Variants in CTNND2 observed in about 807,000 individuals in gnomAD.
CTNND2 encodes the protein catenin delta 2.
A neutral mutation model predicts 144.4 loss-of-function variants in CTNND2; 22 were observed. The ratio of observed to expected loss-of-function variants is 0.15; its 90% confidence interval spans 0.11 to 0.22. CTNND2 has a LOEUF of 0.22. CTNND2 is among the 10% of genes least tolerant of loss of function. The pLI is 1.00. For synonymous variants in CTNND2, 751 were observed against 695.6 expected (o/e 1.08, Z -1.25); for missense variants, 1,353 against 1,618.8 (o/e 0.84, Z 2.82).
At chr5:11,293,283 C>A (rs1397101865) in intron 9 of CTNND2, among the ~76,000 whole-genome samples, 1 of 152,144 alleles carries the variant, frequency 6.6e-6, no homozygotes, top group Non-Finnish European at 1.5e-5. Context: ...ATACAGGTGA[C>A]CCTCATACAA....
chr5:11,722,188 G>C (rs569878051), intron 2 of CTNND2, among the ~76,000 whole-genome samples: 77 of 152,092 alleles, frequency 5.1e-4, no homozygotes, highest in Admixed American at 3.1e-3. Flanking sequence ...CATTTTCACA[G>C]AGTTTTCTCC....
chr5:11,635,796 A>T (rs1019105126), intron 2 of CTNND2, among the ~76,000 whole-genome samples: 4 of 152,112 alleles, frequency 2.6e-5, no homozygotes, highest in Non-Finnish European at 4.4e-5. Flanking sequence ...CCTTGCAGAC[A>T]CATTGCCTGA....
chr5:11,393,293 G>A (rs1270783652), intron 6 of CTNND2, among the ~76,000 whole-genome samples: 1 of 152,156 alleles, frequency 6.6e-6, no homozygotes, highest in Admixed American at 6.5e-5. Flanking sequence ...CAGCAAGCAG[G>A]CCATTTCCCT....
At chr5:11,708,050 GAT>G (rs1491093598) in intron 2 of CTNND2, among the ~76,000 whole-genome samples, 37 of 136,796 alleles carry the variant, frequency 2.7e-4, no homozygotes, top group African/African-American at 1.0e-3. Flanking sequence ...TTTTAAAGAT[GAT>G]TTTTTTTTTT....
At chr5:11,479,559 T>C (rs1469137972) in intron 3 of CTNND2, among the ~76,000 whole-genome samples, 1 of 152,214 alleles carries the variant, frequency 6.6e-6, no homozygotes, top group Non-Finnish European at 1.5e-5. Flanking sequence ...TTTTTAGCTC[T>C]TTGATGAATT....
At chr5:11,446,675 C>A (rs527430797) in intron 3 of CTNND2, among the ~76,000 whole-genome samples, 1 of 152,086 alleles carries the variant, frequency 6.6e-6, no homozygotes, top group Non-Finnish European at 1.5e-5. Context: ...GTCTGTACCC[C>A]ACATCTGTGG....
intron 5 of CTNND2, among the ~76,000 whole-genome samples, chr5:11,401,991 A>G (rs1001244087): frequency 1.3e-5 from 2 of 152,164 alleles, no homozygotes; most frequent in African/African-American, 4.8e-5. Flanking sequence ...CTTCACAGGG[A>G]TATTTTGGTC....
chr5:11,365,401 C>A (rs187694880), intron 7 of CTNND2, among the ~76,000 whole-genome samples: 52 of 152,256 alleles, frequency 3.4e-4, no homozygotes, highest in Admixed American at 1.0e-3. Context: ...TTTGAACTTA[C>A]AACAGCCTAA....
intron 2 of CTNND2, among the ~76,000 whole-genome samples, chr5:11,646,536 G>T (rs1232308477): frequency 1.3e-5 from 2 of 152,108 alleles, no homozygotes; most frequent in East Asian, 3.9e-4. Flanking sequence ...CAATTCACAG[G>T]CTAACTTAAA....
chr5:11,371,183 C>T (rs756664201), intron 7 of CTNND2, among the ~76,000 whole-genome samples: 1 of 152,162 alleles, frequency 6.6e-6, no homozygotes, highest in South Asian at 2.1e-4. Flanking sequence ...AGGTAGTCAG[C>T]CTGTACTCTA....
At chr5:11,249,948 T>C (rs1326439061) in intron 9 of CTNND2, among the ~76,000 whole-genome samples, 2 of 152,204 alleles carry the variant, frequency 1.3e-5, no homozygotes, top group Admixed American at 6.5e-5. Context: ...ATATTCTTAA[T>C]ATGAGGATAT....
At position 11,641,767 on chromosome 5, in the gene CTNND2, C is replaced by T. The variant is rs904656145; in HGVS notation, c.175-76711G>A. Among the ~76,000 whole-genome samples, 63 of 144,120 alleles carry T rather than the reference C, an allele frequency of 4.4e-4. 2 individuals are homozygous for T. Among genetic ancestry groups the T allele is most frequent in the African/African-American group, 1.5e-3 (56 of 38,144 alleles). 94.5% of individuals were successfully genotyped at this position (144,120 alleles called of 152,430 possible). On this transcript the variant is annotated intron_variant, in intron 2 of 21. Coordinates refer to ENST00000304623, the MANE Select transcript of CTNND2 (RefSeq NM_001332.4). ...ATACGTGTGTATGTACATACATATA[C>T]GTATATGTATGTACATACATACACG...
chr5:11,182,898 C>T (rs1287042023), intron 11 of CTNND2, among the ~76,000 whole-genome samples: 3 of 152,132 alleles, frequency 2.0e-5, no homozygotes, highest in African/African-American at 7.2e-5. Flanking sequence ...GGTGAGGGAG[C>T]CCCCTGGAGG....
chr5:11,677,610 T>C (rs978101850), intron 2 of CTNND2, among the ~76,000 whole-genome samples: 1 of 152,122 alleles, frequency 6.6e-6, no homozygotes, highest in Admixed American at 6.5e-5. Flanking sequence ...CACTGATAGA[T>C]AATAATGTGT....
intron 1 of CTNND2, among the ~76,000 whole-genome samples, chr5:11,790,351 A>G (rs1430637854): frequency 2.0e-5 from 3 of 152,138 alleles, no homozygotes; most frequent in African/African-American, 7.2e-5. Context: ...AAACATTTCA[A>G]TATGAAGTCC....
At chr5:11,573,106 C>G (rs1777700385) in intron 2 of CTNND2, among the ~76,000 whole-genome samples, 1 of 152,178 alleles carries the variant, frequency 6.6e-6, no homozygotes, top group Non-Finnish European at 1.5e-5. Flanking sequence ...CTTAACATCT[C>G]TAAGTCTGAG....
chr5:11,366,638 GAAGGTTTTGAA>G (rs1007381051), intron 7 of CTNND2, among the ~76,000 whole-genome samples: 2 of 151,068 alleles, frequency 1.3e-5, no homozygotes, highest in Admixed American at 1.3e-4. Context: ...TCTTATTCCT[GAAGGTTTTGAA>G]AATATTGCTA....
chr5:11,589,589 A>C (rs984971590), intron 2 of CTNND2, among the ~76,000 whole-genome samples: 12 of 152,222 alleles, frequency 7.9e-5, no homozygotes, highest in Non-Finnish European at 1.6e-4. Context: ...AGCTTGCTAG[A>C]TACGGACTTT....
intron 12 of CTNND2, among the ~76,000 whole-genome samples, chr5:11,129,843 G>A (rs1366620409): frequency 6.6e-6 from 1 of 151,974 alleles, no homozygotes; most frequent in Non-Finnish European, 1.5e-5. Flanking sequence ...CCAACCATAA[G>A]TACCAGGCAG....
Sources: allele counts gnomAD v4.1 joint callset (sites outside exome capture counted in the v4.1 genomes callset), GRCh38; gene constraint gnomAD v4.1.1; transcripts MANE v1.5; gene names NCBI Gene and HGNC (gene_info 2026-07-23, HGNC 2026-07-21).